The following PBX1 variants were observed in gnomAD, a reference collection of about 807,000 sequenced individuals.
The protein encoded by PBX1 is PBX homeobox 1.
A neutral mutation model predicts 53.4 loss-of-function variants in PBX1; 6 were observed. The observed-to-expected ratio is 0.11, with a 90% CI of 0.06 to 0.22. PBX1 has a LOEUF of 0.22. PBX1 is among the 10% of genes least tolerant of loss of function. PBX1 has a pLI of 1.00. For synonymous variants in PBX1, 204 were observed against 212.3 expected (o/e 0.96, Z 0.34); for missense variants, 251 against 551.4 (o/e 0.46, Z 5.46).
intron 2 of PBX1, among the ~76,000 whole-genome samples, chr1:164,603,545 A>C (rs746123177): frequency 6.6e-6 from 1 of 152,244 alleles, no homozygotes; most frequent in South Asian, 2.1e-4. Flanking sequence ...AAACACTTCC[A>C]AAAGAAATCC....
At chr1:164,605,565 A>T (rs1656493451) in intron 2 of PBX1, 1 of 152,146 alleles carries the variant, frequency 6.6e-6, no homozygotes, top group Non-Finnish European at 1.5e-5. Flanking sequence ...TCTTTAAAGG[A>T]GGCATAATAC....
chr1:164,590,847 TTTTG>T (rs936433379), intron 2 of PBX1, among the ~76,000 whole-genome samples: 4 of 152,056 alleles, frequency 2.6e-5, no homozygotes, highest in Admixed American at 1.3e-4. Context: ...TTATTGAGGT[TTTTG>T]TTTGTTTGTT....
intron 2 of PBX1, among the ~76,000 whole-genome samples, chr1:164,694,779 C>T (rs1278371290): frequency 1.3e-5 from 2 of 152,174 alleles, no homozygotes; most frequent in Non-Finnish European, 2.9e-5. Context: ...ATTTAATGAA[C>T]ACTTTATGCC....
chr1:164,712,089 G>A (rs1663824122), intron 2 of PBX1, among the ~76,000 whole-genome samples: 1 of 149,014 alleles, frequency 6.7e-6, no homozygotes, highest in Non-Finnish European at 1.5e-5. Context: ...TTGGTGACTG[G>A]TAACATCTGG....
At chr1:164,733,113 A>G (rs760311219) in intron 2 of PBX1, among the ~76,000 whole-genome samples, 1 of 151,964 alleles carries the variant, frequency 6.6e-6, no homozygotes, top group African/African-American at 2.4e-5. Flanking sequence ...TATTCTCCCT[A>G]TTGGGCATCT....
intron 2 of PBX1, among the ~76,000 whole-genome samples, chr1:164,645,559 T>G (rs1571138822): frequency 1.4e-5 from 2 of 141,284 alleles, no homozygotes; most frequent in African/African-American, 2.7e-5. Context: ...TAGTGGGGGG[T>G]GATCAAAAAG....
chr1:164,635,764 G>A (rs1009952475), intron 2 of PBX1, among the ~76,000 whole-genome samples: 8 of 152,164 alleles, frequency 5.3e-5, no homozygotes, highest in East Asian at 1.9e-4. Flanking sequence ...TTTTGATTCC[G>A]TAGAGACCGG....
intron 2 of PBX1, among the ~76,000 whole-genome samples, chr1:164,668,592 CAAGAT>C (rs1163323189): frequency 1.3e-5 from 2 of 152,158 alleles, no homozygotes; most frequent in Non-Finnish European, 1.5e-5. Context: ...GCCACAGCCC[CAAGAT>C]AATATTTGAA....
chr1:164,594,510 T>C (rs2101781508), intron 2 of PBX1, among the ~76,000 whole-genome samples: 1 of 151,924 alleles, frequency 6.6e-6, no homozygotes, highest in Non-Finnish European at 1.5e-5. Context: ...CTCGAACTCC[T>C]GACATGGTGA....
intron 2 of PBX1, among the ~76,000 whole-genome samples, chr1:164,732,826 C>T (rs776884002): frequency 1.3e-5 from 2 of 152,120 alleles, no homozygotes; most frequent in African/African-American, 2.4e-5. Context: ...CTTCCCTTGA[C>T]TGGATCTTTC....
intron 2 of PBX1, chr1:164,682,375 A>C (rs1212040394): frequency 2.0e-5 from 3 of 152,154 alleles, no homozygotes; most frequent in Non-Finnish European, 4.4e-5. Flanking sequence ...CCTGTTCATC[A>C]GCTCATCCAT....
At chr1:164,622,822 C>CTTTTTTTTT (rs11299132) in intron 2 of PBX1, among the ~76,000 whole-genome samples, 1 of 106,290 alleles carries the variant, frequency 9.4e-6, no homozygotes, top group African/African-American at 3.7e-5. Context: ...CAGTTTCCAT[C>CTTTTTTTTT]TTTTTTTTTT....
intron 2 of PBX1, chr1:164,769,990 T>C (rs1431212184): frequency 6.6e-6 from 1 of 152,220 alleles, no homozygotes; most frequent in Non-Finnish European, 1.5e-5. Flanking sequence ...AGCATGGACA[T>C]TGAAGAACTG....
chr1:164,873,711 A>G (rs552919624), intron 2 of PBX1, among the ~76,000 whole-genome samples: 71 of 152,338 alleles, frequency 4.7e-4, no homozygotes, highest in African/African-American at 1.3e-3. Flanking sequence ...ACCACCGCAC[A>G]TGTCTTTTCC....
chr1:164,651,303 C>A (rs1197503907), intron 2 of PBX1, among the ~76,000 whole-genome samples: 3 of 151,938 alleles, frequency 2.0e-5, no homozygotes, highest in Non-Finnish European at 4.4e-5. Context: ...GCATTGCAAG[C>A]TGTCGGTTTG....
At chr1:164,864,228 C>G (rs1339803162) in intron 2 of PBX1, among the ~76,000 whole-genome samples, 1 of 152,044 alleles carries the variant, frequency 6.6e-6, no homozygotes, top group African/African-American at 2.4e-5. Flanking sequence ...CCATTATTAA[C>G]CCCAGGACCT....
chr1:164,697,591 A>C (rs1180447885), intron 2 of PBX1, among the ~76,000 whole-genome samples: 1 of 152,200 alleles, frequency 6.6e-6, no homozygotes, highest in Non-Finnish European at 1.5e-5. Context: ...AGGAAGTCTC[A>C]ATGTTAATTT....
intron 2 of PBX1, among the ~76,000 whole-genome samples, chr1:164,635,958 T>TTTA (rs1658747125): frequency 6.6e-6 from 1 of 152,166 alleles, no homozygotes; most frequent in African/African-American, 2.4e-5. Context: ...CTTGGCTTCC[T>TTTA]GTGCTGGATC....
chr1:164,685,514 G>A (rs371088899), intron 2 of PBX1, among the ~76,000 whole-genome samples: 2 of 152,004 alleles, frequency 1.3e-5, no homozygotes, highest in East Asian at 1.9e-4. Flanking sequence ...TGCTCCACTC[G>A]GTCCCCCTTC....
Sources: allele counts gnomAD v4.1 joint callset (sites outside exome capture counted in the v4.1 genomes callset), GRCh38; gene constraint gnomAD v4.1.1; transcripts MANE v1.5; gene names NCBI Gene and HGNC (gene_info 2026-07-23, HGNC 2026-07-21).